BMP6: variants seen among roughly 807,000 people sequenced by gnomAD.
BMP6 encodes the protein bone morphogenetic protein 6, also known as VG-1-R.
A neutral mutation model predicts 54.1 loss-of-function variants in BMP6; 17 were observed. The observed-to-expected ratio is 0.31, with a 90% CI of 0.22 to 0.47. The LOEUF (loss-of-function observed/expected upper bound fraction) is 0.47. BMP6 is among the 20% of genes least tolerant of loss of function. BMP6 has a pLI of 1.00. For synonymous variants in BMP6, 328 were observed against 291.2 expected (o/e 1.13, Z -1.28); for missense variants, 720 against 690.4 (o/e 1.04, Z -0.48).
intron 1 of BMP6, among the ~76,000 whole-genome samples, chr6:7,807,966 GC>G (rs1173024412): frequency 7.0e-6 from 1 of 143,306 alleles, no homozygotes; most frequent in Non-Finnish European, 1.5e-5. Context: ...TGTTGCCCAG[GC>G]TGGAGTGCAG....
chr6:7,752,565 T>C (rs1171587068), intron 1 of BMP6, among the ~76,000 whole-genome samples: 2 of 151,800 alleles, frequency 1.3e-5, no homozygotes, highest in Non-Finnish European at 2.9e-5. Context: ...ATAGGTTTTT[T>C]TTTTTTTTTT....
intron 1 of BMP6, among the ~76,000 whole-genome samples, chr6:7,809,444 A>G (rs1303303540): frequency 6.6e-6 from 1 of 152,250 alleles, no homozygotes; most frequent in Non-Finnish European, 1.5e-5. Flanking sequence ...AAATGGAAGA[A>G]CAGCCCAGAA....
intron 1 of BMP6, among the ~76,000 whole-genome samples, chr6:7,838,116 G>T (rs1758902712): frequency 6.6e-6 from 1 of 152,104 alleles, no homozygotes; most frequent in Non-Finnish European, 1.5e-5. Context: ...TTGCTCTTGA[G>T]GTCTGAAAAC....
intron 4 of BMP6, among the ~76,000 whole-genome samples, chr6:7,878,365 C>G (rs1008655317): frequency 6.6e-6 from 1 of 152,172 alleles, no homozygotes; most frequent in Admixed American, 6.5e-5. Flanking sequence ...TTGGGGCACC[C>G]CCAGTGCTCT....
chr6:7,815,926 C>T (rs560608879), intron 1 of BMP6, among the ~76,000 whole-genome samples: 2 of 152,248 alleles, frequency 1.3e-5, no homozygotes, highest in South Asian at 2.1e-4. Flanking sequence ...AATAAATAGT[C>T]GTTCTGGCTG....
intron 1 of BMP6, among the ~76,000 whole-genome samples, chr6:7,790,225 A>G (rs1030805093): frequency 1.3e-5 from 2 of 152,134 alleles, no homozygotes; most frequent in African/African-American, 4.8e-5. Flanking sequence ...GCTTGAGAAC[A>G]CACACAAGGC....
chr6:7,856,120 T>TTAA (rs538414464), intron 2 of BMP6, among the ~76,000 whole-genome samples: 46 of 83,664 alleles, frequency 5.5e-4, no homozygotes, highest in Non-Finnish European at 9.1e-4. Flanking sequence ...TCAAAGACTG[T>TTAA]AAAAAAAAAA....
At chr6:7,749,276 A>G (rs1028450463) in intron 1 of BMP6, among the ~76,000 whole-genome samples, 9 of 152,218 alleles carry the variant, frequency 5.9e-5, no homozygotes, top group African/African-American at 2.2e-4. Context: ...TCTTATGAAT[A>G]TTGAGACTCT....
At chr6:7,824,961 A>C (rs1010092109) in intron 1 of BMP6, among the ~76,000 whole-genome samples, 6 of 152,220 alleles carry the variant, frequency 3.9e-5, no homozygotes, top group African/African-American at 1.4e-4. Flanking sequence ...AGGCAGAAGA[A>C]TCTTCCTGCT....
At chr6:7,877,225 G>A (rs1332734315) in intron 4 of BMP6, among the ~76,000 whole-genome samples, 1 of 152,180 alleles carries the variant, frequency 6.6e-6, no homozygotes, top group African/African-American at 2.4e-5. Context: ...GGCAGGTGGA[G>A]AGGATAAATA....
At chr6:7,780,806 G>A (rs1039155441) in intron 1 of BMP6, among the ~76,000 whole-genome samples, 11 of 151,652 alleles carry the variant, frequency 7.3e-5, no homozygotes, top group African/African-American at 2.2e-4. Flanking sequence ...TGATCTCGGG[G>A]CTCAAGCCAT....
At chr6:7,752,559 G>GTTTTTTTTTT (rs5874110) in intron 1 of BMP6, among the ~76,000 whole-genome samples, 1 of 122,452 alleles carries the variant, frequency 8.2e-6, no homozygotes, top group Non-Finnish European at 1.7e-5. Context: ...TTCAACATAG[G>GTTTTTTTTTT]TTTTTTTTTT....
In BMP6 at chr6:7,750,539, A is replaced by G. The variant is rs143085569; in HGVS notation, c.664+22920A>G. ...AATAACGATAACTTATTTTTATTGG[A>G]TGGTTTGCTTGTGTGTTACCTGTCT... On this transcript the variant is annotated intron_variant, in intron 1 of 6. Coordinates refer to ENST00000283147, the MANE Select transcript of BMP6 (RefSeq NM_001718.6). Among the ~76,000 whole-genome samples the G allele has an allele frequency of 6.1e-4, 93 of 152,268 alleles. 1 individual carries two copies. In the East Asian group the frequency reaches 0.014, roughly 23 times the overall value.
chr6:7,839,246 C>A (rs1450765908), intron 1 of BMP6, among the ~76,000 whole-genome samples: 1 of 152,220 alleles, frequency 6.6e-6, no homozygotes, highest in Non-Finnish European at 1.5e-5. Context: ...CTCATTGCAG[C>A]CTCACACTCC....
At chr6:7,782,132 C>T (rs896002781) in intron 1 of BMP6, among the ~76,000 whole-genome samples, 4 of 151,130 alleles carry the variant, frequency 2.6e-5, no homozygotes, top group African/African-American at 7.2e-5. Flanking sequence ...CAAGACATGG[C>T]GATGGATAAG....
In BMP6 at chr6:7,881,428, T is replaced by G. The variant is rs1168103664; in HGVS notation, c.*1085T>G. 6.6e-6 allele frequency: 1 copy of G among 152,654 alleles called. No homozygotes were observed. Among genetic ancestry groups the G allele is most frequent in the Non-Finnish European group, 1.5e-5 (1 of 68,044 alleles). 9.5% of individuals were successfully genotyped at this position (152,654 alleles called of 1,614,324 possible). ...AATACATTTATAATCTACAACTGTT[T>G]GCACTTACAGCTTTTTTTGTAAATA... On this transcript the variant is annotated 3_prime_UTR_variant, in exon 7 of 7. Transcript: ENST00000283147.
chr6:7,758,579 T>G (rs1028918998), intron 1 of BMP6, among the ~76,000 whole-genome samples: 1 of 152,186 alleles, frequency 6.6e-6, no homozygotes, highest in African/African-American at 2.4e-5. Flanking sequence ...TACAGTGCCT[T>G]GTGGTATTTG....
intron 1 of BMP6, among the ~76,000 whole-genome samples, chr6:7,756,701 T>G (rs1038794259): frequency 2.0e-5 from 3 of 152,228 alleles, no homozygotes; most frequent in African/African-American, 7.2e-5. Flanking sequence ...TGCAGATCAA[T>G]TTGATCCTTT....
chr6:7,813,245 TATG>T (rs932704155), intron 1 of BMP6, among the ~76,000 whole-genome samples: 5 of 142,630 alleles, frequency 3.5e-5, no homozygotes, highest in Admixed American at 1.4e-4. Context: ...CATTTATTTT[TATG>T]ATGATATATT....
Sources: allele counts gnomAD v4.1 joint callset (sites outside exome capture counted in the v4.1 genomes callset), GRCh38; gene constraint gnomAD v4.1.1; transcripts MANE v1.5; gene names NCBI Gene and HGNC (gene_info 2026-07-23, HGNC 2026-07-21).